Variants in CSMD1 observed in about 807,000 individuals in gnomAD.
CSMD1 encodes CUB and sushi domain-containing protein 1.
A neutral mutation model predicts 417.5 loss-of-function variants in CSMD1; 213 were observed. The observed-to-expected ratio is 0.51, with a 90% CI of 0.46 to 0.57. The LOEUF is 0.57. CSMD1 is among the 20% of genes least tolerant of loss of function. The pLI, the probability that CSMD1 is intolerant of heterozygous loss-of-function variation, is 0.00. For synonymous variants in CSMD1, 2,862 were observed against 1,736.8 expected (o/e 1.65, Z -16.11); for missense variants, 6,923 against 4,529.7 (o/e 1.53, Z -15.17).
At chr8:4,746,066 T>G (rs886934681) in intron 1 of CSMD1, among the ~76,000 whole-genome samples, 1 of 152,236 alleles carries the variant, frequency 6.6e-6, no homozygotes. Context: ...TTTTTGTTAC[T>G]GTCAGCCCCT....
At chr8:3,719,871 A>G (rs1010855647) in intron 6 of CSMD1, among the ~76,000 whole-genome samples, 1 of 152,138 alleles carries the variant, frequency 6.6e-6, no homozygotes, top group African/African-American at 2.4e-5. Context: ...AGACTTAATC[A>G]TTGTTCTGGA....
rs185445690 is a variant in CSMD1, at chr8:4,405,087, A to G, written c.415+14866T>C. Among the ~76,000 whole-genome samples, 4 of 152,364 alleles carry G rather than the reference A, an allele frequency of 2.6e-5. No homozygotes were observed. In the East Asian group the frequency reaches 7.7e-4, roughly 29 times the overall value. On this transcript the variant is annotated intron_variant, in intron 3 of 69. Coordinates refer to ENST00000635120, the MANE Select transcript of CSMD1 (RefSeq NM_033225.6). ...CAAATCAATGCTGCATCCATGGTAC[A>G]GCGTTCAGAAGAGATTTTCAGACTA...
intron 4 of CSMD1, among the ~76,000 whole-genome samples, chr8:4,003,371 C>T (rs945583068): frequency 2.6e-5 from 4 of 151,046 alleles, no homozygotes; most frequent in African/African-American, 7.3e-5. Flanking sequence ...CCAGCCTGGG[C>T]GACACAGCAA....
intron 5 of CSMD1, among the ~76,000 whole-genome samples, chr8:3,939,642 TAAAG>T (rs1563232782): frequency 1.3e-5 from 2 of 152,044 alleles, no homozygotes; most frequent in African/African-American, 4.8e-5. Context: ...AATTAGCAGA[TAAAG>T]AAAATGTGGT....
intron 6 of CSMD1, among the ~76,000 whole-genome samples, chr8:3,721,509 A>T (rs762338623): frequency 1.7e-4 from 26 of 152,206 alleles, no homozygotes; most frequent in Non-Finnish European, 3.4e-4. Context: ...AACTTACAGC[A>T]TTCTAGAGCA....
chr8:3,760,622 T>C (rs994140602), intron 5 of CSMD1, among the ~76,000 whole-genome samples: 1 of 152,248 alleles, frequency 6.6e-6, no homozygotes, highest in Non-Finnish European at 1.5e-5. Flanking sequence ...TTCGCGTATG[T>C]GACTTGAAAA....
intron 3 of CSMD1, among the ~76,000 whole-genome samples, chr8:4,361,741 G>A (rs1418830344): frequency 6.6e-6 from 1 of 151,642 alleles, no homozygotes; most frequent in East Asian, 1.9e-4. Flanking sequence ...GGATCACGAG[G>A]TCAGGAGATC....
chr8:3,316,174 T>C (rs1400968384), intron 23 of CSMD1, among the ~76,000 whole-genome samples: 1 of 152,192 alleles, frequency 6.6e-6, no homozygotes, highest in African/African-American at 2.4e-5. Flanking sequence ...AGTTGGCAAA[T>C]ATTGTTCTAA....
chr8:3,579,035 G>A (rs768646498), intron 9 of CSMD1, among the ~76,000 whole-genome samples: 5 of 152,294 alleles, frequency 3.3e-5, no homozygotes, highest in East Asian at 1.9e-4. Flanking sequence ...AAAATTCACC[G>A]ACATGCTTGA....
chr8:4,838,273 A>T (rs1311278306), intron 1 of CSMD1, among the ~76,000 whole-genome samples: 1 of 152,194 alleles, frequency 6.6e-6, no homozygotes, highest in Non-Finnish European at 1.5e-5. Flanking sequence ...GTAGTGTCAA[A>T]GTGTCAGGAG....
chr8:3,473,841 C>A (rs556802703), intron 11 of CSMD1, among the ~76,000 whole-genome samples: 12 of 152,078 alleles, frequency 7.9e-5, no homozygotes, highest in African/African-American at 2.9e-4. Context: ...TTAACTGACT[C>A]GTATTTCCAC....
chr8:3,524,407 A>G (rs1797665139), intron 10 of CSMD1, among the ~76,000 whole-genome samples: 1 of 151,658 alleles, frequency 6.6e-6, no homozygotes, highest in African/African-American at 2.4e-5. Context: ...ACACCCAGAC[A>G]TATGCACACA....
At chr8:4,298,651 T>G (rs1276166767) in intron 3 of CSMD1, among the ~76,000 whole-genome samples, 1 of 152,156 alleles carries the variant, frequency 6.6e-6, no homozygotes, top group African/African-American at 2.4e-5. Context: ...TTAGTTTTAA[T>G]ACAGTTCTAA....
At chr8:4,252,533 G>A (rs528881634) in intron 3 of CSMD1, among the ~76,000 whole-genome samples, 7 of 152,242 alleles carry the variant, frequency 4.6e-5, no homozygotes, top group Middle Eastern at 3.4e-3. Flanking sequence ...ACCATAAAAT[G>A]CTCCTTAGAA....
At chr8:4,313,623 A>G (rs111533580) in intron 3 of CSMD1, among the ~76,000 whole-genome samples, 1,905 of 152,232 alleles carry the variant, frequency 0.013, 37 homozygotes, top group African/African-American at 0.044. Context: ...AAACATGCAG[A>G]TGCCATTTAA....
intron 3 of CSMD1, among the ~76,000 whole-genome samples, chr8:4,069,446 T>C (rs1799430533): frequency 6.6e-6 from 1 of 152,178 alleles, no homozygotes; most frequent in Non-Finnish European, 1.5e-5. Flanking sequence ...GTAAAGGAAA[T>C]ACAGTTTTGT....
intron 5 of CSMD1, among the ~76,000 whole-genome samples, chr8:3,942,906 T>A (rs1009275186): frequency 5.9e-5 from 9 of 152,014 alleles, no homozygotes; most frequent in Non-Finnish European, 8.8e-5. Flanking sequence ...TTGTGATACT[T>A]TTTTTTGTCT....
intron 1 of CSMD1, among the ~76,000 whole-genome samples, chr8:4,974,332 GTC>G (rs1193333308): frequency 1.3e-5 from 2 of 152,042 alleles, no homozygotes; most frequent in Non-Finnish European, 2.9e-5. Flanking sequence ...GAAGAGCACA[GTC>G]TCACAATGTC....
chr8:4,833,755 C>A (rs1800290234), intron 1 of CSMD1, among the ~76,000 whole-genome samples: 2 of 152,148 alleles, frequency 1.3e-5, no homozygotes, highest in Admixed American at 1.3e-4. Flanking sequence ...TTTACATTGA[C>A]TTCTATTCGT....
Sources: allele counts gnomAD v4.1 joint callset (sites outside exome capture counted in the v4.1 genomes callset), GRCh38; gene constraint gnomAD v4.1.1; transcripts MANE v1.5; gene names NCBI Gene and HGNC (gene_info 2026-07-23, HGNC 2026-07-21).